Variants in OPRM1 observed in about 807,000 individuals in gnomAD.
OPRM1 encodes the protein mu-type opioid receptor.
In OPRM1, 27 loss-of-function variants were observed where a neutral mutation model predicts 31.8. That is an observed-to-expected ratio of 0.85 (90% CI 0.63 to 1.17). OPRM1 has a LOEUF of 1.17. OPRM1 is among the 50% of genes most tolerant of loss of function. The probability of loss-of-function intolerance (pLI) is 0.00; values close to 1 mark genes in which losing one functional copy is unlikely to be tolerated. For synonymous variants in OPRM1, 196 were observed against 189.9 expected (o/e 1.03, Z -0.26); for missense variants, 536 against 511.1 (o/e 1.05, Z -0.47).
intron 3 of OPRM1, among the ~76,000 whole-genome samples, chr6:154,198,191 T>C (rs1776776418): frequency 6.6e-6 from 1 of 152,216 alleles, no homozygotes; most frequent in Admixed American, 6.5e-5. Flanking sequence ...AAAGTTCTTA[T>C]GCTGAGCATG....
chr6:154,230,490 A>G lies in OPRM1; in HGVS notation c.1165-16203A>G, dbSNP rs117787501. ...CCATGATAACATTTGCCCTTTTCGT[A>G]CCACAAGTATTTTGGAAAATATACA... On this transcript the variant is annotated intron_variant, in intron 3 of 3. Coordinates refer to the OPRM1 transcript ENST00000337049. 5.2e-3 allele frequency among the ~76,000 whole-genome samples: 796 copies of G among 152,338 alleles called. 3 individuals carry two copies. Among genetic ancestry groups the G allele is most frequent in the Non-Finnish European group, 8.8e-3 (600 of 68,034 alleles).
At chr6:154,018,332 A>C (rs947721582) in intron 1 of OPRM1, among the ~76,000 whole-genome samples, 3 of 152,120 alleles carry the variant, frequency 2.0e-5, no homozygotes, top group Non-Finnish European at 4.4e-5. Context: ...AGGAACGAGA[A>C]TCACTTGAAC....
intron 3 of OPRM1, among the ~76,000 whole-genome samples, chr6:154,183,038 G>T (rs1801033714): frequency 1.3e-5 from 2 of 151,604 alleles, no homozygotes; most frequent in South Asian, 4.2e-4. Flanking sequence ...GGAGTGCAGT[G>T]GTGTGATCTC....
intron 3 of OPRM1, among the ~76,000 whole-genome samples, chr6:154,170,385 A>G (rs1380733259): frequency 1.3e-5 from 2 of 152,180 alleles, no homozygotes; most frequent in Non-Finnish European, 2.9e-5. Flanking sequence ...AGGAGCATCA[A>G]AACCAAGCAA....
rs569077583 is a variant in OPRM1 at position 154,242,615 on chromosome 6, G to A, written c.1165-4078G>A. On this transcript the variant is annotated intron_variant, in intron 3 of 3. Transcript: ENST00000337049. ...AGTAAGAAAAGTATAGGCCAAGTGC[G>A]GTGGCTCACATCTGTAATCCCAGCA... Among the ~76,000 whole-genome samples the A allele has an allele frequency of 6.6e-5, 10 of 152,242 alleles. No individual in the cohort carries two copies. The South Asian group carries it at 1.4e-3, about 22-fold the overall frequency.
At position 154,186,279 on chromosome 6, in the gene OPRM1, T is replaced by G. The variant is rs373847676; in HGVS notation, c.1165-60414T>G. Among the ~76,000 whole-genome samples, 11 of 152,380 alleles carry G rather than the reference T, an allele frequency of 7.2e-5. No homozygotes were observed. The South Asian group carries it at 2.3e-3, about 32-fold the overall frequency. On this transcript the variant is annotated intron_variant, in intron 3 of 3. Transcript: ENST00000337049. Reference sequence around the variant, plus strand: ...GTGTTAGGTCTTTTCCATCTCATAATATGACAACTCTATTATTTTAGTCAT... The same window carrying G: ...GTGTTAGGTCTTTTCCATCTCATAAGATGACAACTCTATTATTTTAGTCAT...
At position 154,168,871 on chromosome 6, in the gene OPRM1, G is replaced by T. The variant is rs1799649017; in HGVS notation, c.1164+77399G>T. 6.6e-6 allele frequency among the ~76,000 whole-genome samples: 1 copy of T among 152,026 alleles called. No individual in the cohort carries two copies. Among genetic ancestry groups the T allele is most frequent in the South Asian group, 2.1e-4 (1 of 4,820 alleles). On this transcript the variant is annotated intron_variant, in intron 3 of 3. Coordinates refer to the OPRM1 transcript ENST00000337049. This position sits in a 1 kb window ranked among gnomAD's most constrained non-coding sequence, Gnocchi z 4.1. ...TCCGCCCACCTTGGCCTCCCAAAGT[G>T]CTGGGATTACAGGTGTGAGCCACCA...
In OPRM1 at chr6:154,131,604, G is replaced by T. The variant is rs1284575784; in HGVS notation, c.*12883G>T. The stretch of plus-strand genomic sequence containing the variant: ...TACAGTAGTCCAGACACCTAAACAG[G>T]ACATAGAAATGTCAACTGGTCATAT... On this transcript the variant is annotated 3_prime_UTR_variant, in exon 4 of 4. Transcript: ENST00000330432. Among the ~76,000 whole-genome samples the T allele has an allele frequency of 6.6e-6, 1 of 152,110 alleles. No homozygotes were observed. The highest frequency in any genetic ancestry group is 1.5e-5 in the Non-Finnish European group (1 of 68,014).
At chr6:154,064,784 A>G (rs1169333663) in intron 1 of OPRM1, among the ~76,000 whole-genome samples, 3 of 152,172 alleles carry the variant, frequency 2.0e-5, no homozygotes, top group Non-Finnish European at 4.4e-5. Flanking sequence ...CTCTTGTTGA[A>G]AATCATTTGG....
intron 3 of OPRM1, among the ~76,000 whole-genome samples, chr6:154,145,677 A>G (rs933694977): frequency 1.3e-5 from 2 of 152,240 alleles, no homozygotes; most frequent in Non-Finnish European, 2.9e-5. Flanking sequence ...TAGCTAAAAC[A>G]TTTTGAAAAA....
chr6:154,033,403 A>G (rs1359637074), intron 1 of OPRM1, among the ~76,000 whole-genome samples: 1 of 152,232 alleles, frequency 6.6e-6, no homozygotes, highest in Non-Finnish European at 1.5e-5. Flanking sequence ...GTCCCATGGT[A>G]TTAACACCAA....
In OPRM1 at chr6:154,118,877, C is replaced by T; in HGVS notation, c.*156C>T. 1 of 1,466,780 alleles carries T rather than the reference C, an allele frequency of 6.8e-7. No homozygotes were observed. The highest frequency in any genetic ancestry group is 1.5e-5 in the South Asian group (1 of 68,680). 90.9% of individuals were successfully genotyped at this position (1,466,780 alleles called of 1,614,324 possible). ...TTTCCTCTCTGGCCACTCTGCTCTG[C>T]ACATTAGAGGGACAGCCAAAAGTAA... On this transcript the variant is annotated 3_prime_UTR_variant, in exon 4 of 4. Coordinates refer to ENST00000330432, the MANE Select transcript of OPRM1 (RefSeq NM_000914.5).
chr6:154,030,611 C>CA (rs1333985211), intron 1 of OPRM1, among the ~76,000 whole-genome samples: 1 of 151,038 alleles, frequency 6.6e-6, no homozygotes, highest in African/African-American at 2.5e-5. Flanking sequence ...ATTTTTAGTA[C>CA]AAAAAAAATT....
In OPRM1 at chr6:154,123,531, T is replaced by C. The variant is rs1797416579; in HGVS notation, c.*4810T>C. On this transcript the variant is annotated 3_prime_UTR_variant, in exon 4 of 4. Coordinates refer to ENST00000330432, the MANE Select transcript of OPRM1 (RefSeq NM_000914.5). Reference sequence around the variant, plus strand: ...TTCTTCTCCCTGAAAAGCAAGTTTATTAAGAAAGCAAAGGAATAAAGAATG... The same window carrying C: ...TTCTTCTCCCTGAAAAGCAAGTTTACTAAGAAAGCAAAGGAATAAAGAATG... Among the ~76,000 whole-genome samples the C allele has an allele frequency of 6.6e-6, 1 of 152,194 alleles. No individual in the cohort carries two copies.
At chr6:154,167,617 A>G (rs1799543766) in intron 3 of OPRM1, among the ~76,000 whole-genome samples, 1 of 152,194 alleles carries the variant, frequency 6.6e-6, no homozygotes, top group South Asian at 2.1e-4. Flanking sequence ...TGCTAGGTAT[A>G]AGGGTTAAAA....
chr6:154,040,025 A>G (rs1239207579), intron 1 of OPRM1, among the ~76,000 whole-genome samples, 191 bp downstream of exon 1: 1 of 152,118 alleles, frequency 6.6e-6, no homozygotes, highest in Non-Finnish European at 1.5e-5. Context: ...TTTTTTCTTC[A>G]ACTGATAAAG....
chr6:154,186,069 T>C (rs1214739865), intron 3 of OPRM1, among the ~76,000 whole-genome samples: 2 of 152,190 alleles, frequency 1.3e-5, no homozygotes, highest in Non-Finnish European at 2.9e-5. Flanking sequence ...GTGTTCTCTC[T>C]CCCCAGGTGA....
At chr6:154,087,116 C>T in intron 1 of OPRM1, 3 of 985,262 alleles carry the variant, frequency 3.0e-6, no homozygotes, top group Non-Finnish European at 3.6e-6. Flanking sequence ...AAGTGAAACT[C>T]CCAAAGTAAG....
intron 3 of OPRM1, among the ~76,000 whole-genome samples, chr6:154,109,232 A>G (rs1003461760): frequency 5.9e-5 from 9 of 152,238 alleles, no homozygotes; most frequent in East Asian, 1.9e-4. Flanking sequence ...GTTTCTTCAT[A>G]TGCTTAAAGC....
Sources: gnomAD v4.1 joint callset for allele counts (sites outside exome capture counted in the v4.1 genomes callset) on GRCh38, gnomAD v4.1.1 for gene constraint, Gnocchi (gnomAD v3.1) non-coding constraint, MANE v1.5 for transcripts, NCBI Gene and HGNC (gene_info 2026-07-23, HGNC 2026-07-21) for gene names.